SLC39A8: variants seen among roughly 807,000 people sequenced by gnomAD.
The protein encoded by SLC39A8 is metal cation symporter ZIP8.
In SLC39A8, 15 loss-of-function variants were observed where a neutral mutation model predicts 40.4. The observed-to-expected ratio is 0.37, with a 90% CI of 0.25 to 0.57. SLC39A8 has a LOEUF of 0.57. Ranked by LOEUF, SLC39A8 falls within the 20% of genes least tolerant of loss-of-function variation. The pLI is 0.75. For synonymous variants in SLC39A8, 223 were observed against 221.6 expected (o/e 1.01, Z -0.06); for missense variants, 472 against 558.8 (o/e 0.84, Z 1.57).
At chr4:102,337,947 G>T (rs894579683) in intron 2 of SLC39A8, among the ~76,000 whole-genome samples, 34 of 152,166 alleles carry the variant, frequency 2.2e-4, no homozygotes, top group African/African-American at 4.6e-4. Context: ...ATAAGCAAGA[G>T]TTCAATCAAT....
chr4:102,301,651 A>G (rs2149031258), intron 6 of SLC39A8, among the ~76,000 whole-genome samples: 1 of 152,206 alleles, frequency 6.6e-6, no homozygotes, highest in East Asian at 1.9e-4. Flanking sequence ...TAAGTGGAAT[A>G]AAAACAGCCT....
chr4:102,297,901 G>A (rs1391224245), intron 6 of SLC39A8, among the ~76,000 whole-genome samples: 1 of 151,960 alleles, frequency 6.6e-6, no homozygotes, highest in African/African-American at 2.4e-5. Context: ...CTGGGTTATG[G>A]AGTGAGACCC....
chr4:102,263,258 T>A lies in SLC39A8; in HGVS notation c.1234-65A>T, dbSNP rs1731949630. 9 of 1,407,340 alleles carry A rather than the reference T, an allele frequency of 6.4e-6. No homozygotes were observed. The Admixed American group carries it at 1.5e-4, about 24-fold the overall frequency. 87.2% of individuals were successfully genotyped at this position (1,407,340 alleles called of 1,614,324 possible). On this transcript the variant is annotated intron_variant, in intron 8 of 8. Transcript: ENST00000356736. ...TGTGGCAAACCACAAAACAGTCACTTAGAGGCATACCTTGGAGACAGTGTG... is the reference window on the plus strand; with the variant it reads ...TGTGGCAAACCACAAAACAGTCACTAAGAGGCATACCTTGGAGACAGTGTG...
chr4:102,257,362 C>T (rs1731731615), downstream of SLC39A8, among the ~76,000 whole-genome samples: 1 of 151,962 alleles, frequency 6.6e-6, no homozygotes, highest in Non-Finnish European at 1.5e-5. Flanking sequence ...CTAGTAATTT[C>T]TTTGAATTCT....
chr4:102,314,774 T>G (rs184106748), intron 3 of SLC39A8, among the ~76,000 whole-genome samples: 6 of 152,192 alleles, frequency 3.9e-5, no homozygotes, highest in Admixed American at 3.3e-4. Context: ...CCTACTAATA[T>G]TTTATTTTCT....
At chr4:102,326,728 G>A (rs1735218176) in intron 2 of SLC39A8, among the ~76,000 whole-genome samples, 1 of 152,042 alleles carries the variant, frequency 6.6e-6, no homozygotes, top group African/African-American at 2.4e-5. Flanking sequence ...AAGAGTACAA[G>A]GGGGTCCTGA....
chr4:102,262,208 T>A lies in SLC39A8; in HGVS notation c.*836A>T. 2.0e-6 allele frequency: 2 copies of A among 985,970 alleles called. No homozygotes were observed. The highest frequency in any genetic ancestry group is 2.4e-6 in the Non-Finnish European group (2 of 829,912). The allele number at this position is 985,970 out of a possible 1,614,324, so 61.1% of individuals were successfully genotyped here. A position where few individuals can be genotyped will look rare whatever the true frequency, so the allele number is the denominator to read the frequency against. On this transcript the variant is annotated 3_prime_UTR_variant, in exon 9 of 9. Coordinates refer to ENST00000356736, the MANE Select transcript of SLC39A8 (RefSeq NM_001135146.2). ...ATTGCATAAAATTACATCCAATTTC[T>A]TTCTCTAAACCAACATATTCTTCAC...
At chr4:102,342,605 C>A (rs919465213) in intron 2 of SLC39A8, among the ~76,000 whole-genome samples, 2 of 152,162 alleles carry the variant, frequency 1.3e-5, no homozygotes, top group Admixed American at 1.3e-4. Context: ...CTTCCTGTCT[C>A]TTTTTGATGC....
intron 6 of SLC39A8, among the ~76,000 whole-genome samples, chr4:102,270,815 C>T (rs1732322859): frequency 6.6e-6 from 1 of 152,048 alleles, no homozygotes; most frequent in Admixed American, 6.5e-5. Context: ...GAATATCATG[C>T]ACCAAAGTTA....
chr4:102,280,223 A>G (rs935408717), intron 6 of SLC39A8, among the ~76,000 whole-genome samples: 10 of 152,166 alleles, frequency 6.6e-5, no homozygotes, highest in Non-Finnish European at 1.3e-4. Context: ...CCCTTTGGTC[A>G]TAGGTTGTTG....
intron 2 of SLC39A8, among the ~76,000 whole-genome samples, chr4:102,317,146 GTTAA>G (rs1734699510): frequency 6.6e-6 from 1 of 152,142 alleles, no homozygotes; most frequent in Non-Finnish European, 1.5e-5. Context: ...CAAAGTTGAT[GTTAA>G]TTGTTTGACC....
chr4:102,320,173 A>ATATATATATATATATGTATATATATATG, intron 2 of SLC39A8, among the ~76,000 whole-genome samples: 1 of 63,624 alleles, frequency 1.6e-5, no homozygotes, highest in Non-Finnish European at 3.1e-5. Flanking sequence ...ATATACATAT[A>ATATATATATATATATGTATATATATATG]TATATATATA....
At chr4:102,297,254 C>A (rs1464523713) in intron 6 of SLC39A8, among the ~76,000 whole-genome samples, 1 of 151,824 alleles carries the variant, frequency 6.6e-6, no homozygotes, top group Non-Finnish European at 1.5e-5. Flanking sequence ...GGTAAGTTAA[C>A]CAAACAGACC....
rs1208513689 is a variant in SLC39A8, at chr4:102,314,467, C to G, written c.382+1201G>C. On this transcript the variant is annotated intron_variant, in intron 3 of 8. Transcript: ENST00000356736. ...CACTACATTCAGAATAAAACCCAAT[C>G]AATTTACCACCTCCCGCAAGGCTTC... Among the ~76,000 whole-genome samples the G allele has an allele frequency of 2.6e-5, 4 of 152,194 alleles. No individual in the cohort carries two copies. In the East Asian group the frequency reaches 7.7e-4, roughly 29 times the overall value.
intron 2 of SLC39A8, among the ~76,000 whole-genome samples, chr4:102,332,967 G>A (rs1271751699): frequency 6.6e-6 from 1 of 152,112 alleles, no homozygotes; most frequent in Non-Finnish European, 1.5e-5. Flanking sequence ...ATTGAACAAT[G>A]AGAACACATG....
At chr4:102,286,781 G>A (rs1733201050) in intron 6 of SLC39A8, among the ~76,000 whole-genome samples, 1 of 152,102 alleles carries the variant, frequency 6.6e-6, no homozygotes, top group South Asian at 2.1e-4. Flanking sequence ...TGACAGACTG[G>A]TAATCAAAAC....
intron 2 of SLC39A8, among the ~76,000 whole-genome samples, chr4:102,323,249 C>T (rs1479732813): frequency 6.6e-6 from 1 of 152,228 alleles, no homozygotes; most frequent in African/African-American, 2.4e-5. Flanking sequence ...AGGTTGCTCA[C>T]ACCTTCTCTG....
At chr4:102,287,912 A>G (rs1733252989) in intron 6 of SLC39A8, among the ~76,000 whole-genome samples, 2 of 152,108 alleles carry the variant, frequency 1.3e-5, no homozygotes, top group South Asian at 4.1e-4. Flanking sequence ...ACCTAAATGA[A>G]TGTTGCATAT....
rs571122115 is a variant in SLC39A8 at position 102,328,811 on chromosome 4, G to A, written c.220-12981C>T. Among the ~76,000 whole-genome samples, 125 of 152,166 alleles carry A rather than the reference G, an allele frequency of 8.2e-4. 1 individual carries two copies. In the South Asian group the frequency reaches 0.017, roughly 21 times the overall value. On this transcript the variant is annotated intron_variant, in intron 2 of 8. Coordinates refer to ENST00000356736, the MANE Select transcript of SLC39A8 (RefSeq NM_001135146.2). ...GAGACCAAGGTGGGAGGATCACGAG[G>A]TCAGGAGATCGAGACCATCCTGGTT...
Sources: gnomAD v4.1 joint callset for allele counts (sites outside exome capture counted in the v4.1 genomes callset) on GRCh38, gnomAD v4.1.1 for gene constraint, MANE v1.5 for transcripts, NCBI Gene and HGNC (gene_info 2026-07-23, HGNC 2026-07-21) for gene names.